AUTS2: variants seen among roughly 807,000 people sequenced by gnomAD.
AUTS2 encodes autism susceptibility gene 2 protein.
A neutral mutation model predicts 112.4 loss-of-function variants in AUTS2; 17 were observed. That is an observed-to-expected ratio of 0.15 (90% CI 0.10 to 0.23). AUTS2 has a LOEUF of 0.23. Ranked by LOEUF, AUTS2 falls within the 10% of genes least tolerant of loss-of-function variation. The pLI is 1.00. For synonymous variants in AUTS2, 751 were observed against 702.7 expected, an observed-to-expected ratio of 1.07 and a Z score of -1.09; for missense variants, 1,510 against 1,701.6, an observed-to-expected ratio of 0.89 and a Z score of 1.98.
At chr7:70,466,233 G>A (rs1797162100) in intron 5 of AUTS2, among the ~76,000 whole-genome samples, 1 of 152,118 alleles carries the variant, frequency 6.6e-6, no homozygotes. Flanking sequence ...AAGCTGATAT[G>A]GAAGAAATTG....
At chr7:70,596,230 G>A (rs1803199920) in intron 5 of AUTS2, 1 of 152,564 alleles carries the variant, frequency 6.6e-6, no homozygotes, top group Non-Finnish European at 1.5e-5. Context: ...GCGAGCCGCG[G>A]GTAGATCGCT....
rs536282144 is a variant in AUTS2, at chr7:69,664,914, G to C, written c.309+64952G>C. ...AAATGATTGTTGTTAAATTCTAGGG[G>C]TTTAATTTAGGATATAGGTACAAAT... On this transcript the variant is annotated intron_variant, in intron 1 of 18. Coordinates refer to ENST00000342771, the MANE Select transcript of AUTS2 (RefSeq NM_015570.4). Among the ~76,000 whole-genome samples the C allele has an allele frequency of 4.6e-5, 7 of 152,288 alleles. No individual in the cohort carries two copies. The East Asian group carries it at 1.3e-3, about 29-fold the overall frequency.
chr7:70,096,985 C>G (rs1438109320), intron 2 of AUTS2, among the ~76,000 whole-genome samples: 1 of 152,170 alleles, frequency 6.6e-6, no homozygotes, highest in African/African-American at 2.4e-5. Context: ...GCTTCTTCTA[C>G]CTGGTGTTAT....
intron 4 of AUTS2, among the ~76,000 whole-genome samples, chr7:70,210,368 G>C (rs1810792064): frequency 6.6e-6 from 1 of 152,232 alleles, no homozygotes; most frequent in Non-Finnish European, 1.5e-5. Context: ...TTATTGCACA[G>C]TTGAAATCAG....
At chr7:70,620,975 G>A (rs535049045) in intron 5 of AUTS2, among the ~76,000 whole-genome samples, 61 of 152,340 alleles carry the variant, frequency 4.0e-4, no homozygotes, top group African/African-American at 1.4e-3. Context: ...AGCACTTCCA[G>A]TTCCTCCAGG....
intron 15 of AUTS2, chr7:70,783,247 T>C (rs2129560226): frequency 6.6e-6 from 1 of 152,320 alleles, no homozygotes; most frequent in East Asian, 1.9e-4. Context: ...TTCTGGAATA[T>C]ATTCACTTGG....
chr7:69,940,202 C>T (rs1248877955), intron 2 of AUTS2, among the ~76,000 whole-genome samples: 2 of 152,172 alleles, frequency 1.3e-5, no homozygotes, highest in African/African-American at 4.8e-5. Context: ...TCAGAGCCTG[C>T]GTTCCTAACT....
At chr7:69,669,323 AC>A (rs751501746) in intron 1 of AUTS2, among the ~76,000 whole-genome samples, 5 of 152,236 alleles carry the variant, frequency 3.3e-5, no homozygotes, top group Middle Eastern at 3.4e-3. Context: ...AAGAATGCAT[AC>A]ATGTATGTAT....
chr7:70,585,221 G>A (rs1444447963), intron 5 of AUTS2, among the ~76,000 whole-genome samples: 1 of 152,160 alleles, frequency 6.6e-6, no homozygotes, highest in African/African-American at 2.4e-5. Flanking sequence ...CCTGCAGGGG[G>A]CAAACTGTCC....
chr7:70,232,207 AT>A (rs1812092914), intron 4 of AUTS2, among the ~76,000 whole-genome samples: 1 of 152,062 alleles, frequency 6.6e-6, no homozygotes, highest in Non-Finnish European at 1.5e-5. Flanking sequence ...GGGATTTTTA[AT>A]TTTTTAATTG....
chr7:70,746,058 C>CTCT (rs960593298), intron 6 of AUTS2, among the ~76,000 whole-genome samples: 14 of 152,196 alleles, frequency 9.2e-5, no homozygotes, highest in Non-Finnish European at 1.6e-4. Flanking sequence ...GCATCGTGTG[C>CTCT]AGAATCGAAG....
At chr7:69,838,033 G>T in intron 1 of AUTS2, among the ~76,000 whole-genome samples, 1 of 152,280 alleles carries the variant, frequency 6.6e-6, no homozygotes, top group East Asian at 1.9e-4. Flanking sequence ...TTCTAGATGG[G>T]ATTGTAGCTG....
rs1370439456 is a variant in AUTS2, at chr7:70,435,855, G to A, written c.690+74G>A. 2.0e-6 allele frequency: 3 copies of A among 1,511,728 alleles called. No homozygotes were observed. The African/African-American group carries it at 4.1e-5, about 21-fold the overall frequency. 93.6% of individuals were successfully genotyped at this position (1,511,728 alleles called of 1,614,324 possible). ...CACCAGAGTCCTCCCACACACAGCT[G>A]CAGGGTAGGATGCCAGCTTCATGTT... On this transcript the variant is annotated intron_variant, in intron 5 of 18. Transcript: ENST00000342771.
In AUTS2 at chr7:70,541,626, A is replaced by C. The variant is rs553298898; in HGVS notation, c.690+105845A>C. ...AAATTCAGCTCAACCACTGTGTGCCAGACATTGTGCTGAACCTGGGGATAC... is the reference window on the plus strand; with the variant it reads ...AAATTCAGCTCAACCACTGTGTGCCCGACATTGTGCTGAACCTGGGGATAC... On this transcript the variant is annotated intron_variant, in intron 5 of 18. Coordinates refer to ENST00000342771, the MANE Select transcript of AUTS2 (RefSeq NM_015570.4). Among the ~76,000 whole-genome samples the C allele has an allele frequency of 1.3e-4, 20 of 152,380 alleles. No homozygotes were observed. The South Asian group carries it at 3.9e-3, about 30-fold the overall frequency.
intron 4 of AUTS2, among the ~76,000 whole-genome samples, chr7:70,419,415 C>T (rs1206112384): frequency 7.2e-6 from 1 of 138,884 alleles, no homozygotes; most frequent in Non-Finnish European, 1.5e-5. Flanking sequence ...AATTGGAAAA[C>T]TAAAACCTAC....
chr7:70,149,634 G>A (rs1807320075), intron 4 of AUTS2, among the ~76,000 whole-genome samples: 1 of 151,924 alleles, frequency 6.6e-6, no homozygotes. Flanking sequence ...TTGACCCAAA[G>A]ATAGTCTTCT....
intron 4 of AUTS2, among the ~76,000 whole-genome samples, chr7:70,420,816 T>C (rs952601877): frequency 1.1e-4 from 17 of 152,338 alleles, no homozygotes; most frequent in African/African-American, 2.9e-4. Context: ...TGGGGAGGGA[T>C]GGACAGGTTC....
rs988223567 is a variant in AUTS2, at chr7:70,088,195, A to C, written c.523-29937A>C. ...CTGGAGTGCAGTGGCGTGATCTCAG[A>C]TCACTGCAAGTTCCACCTCCTGGGT... is the stretch of plus-strand genomic sequence containing the variant. On this transcript the variant is annotated intron_variant, in intron 2 of 18. Coordinates refer to ENST00000342771, the MANE Select transcript of AUTS2 (RefSeq NM_015570.4). 2.0e-5 allele frequency among the ~76,000 whole-genome samples: 3 copies of C among 151,834 alleles called. No individual in the cohort carries two copies. The East Asian group carries it at 5.9e-4, about 30-fold the overall frequency.
At chr7:70,641,518 C>A (rs1456916913) in intron 5 of AUTS2, among the ~76,000 whole-genome samples, 1 of 152,172 alleles carries the variant, frequency 6.6e-6, no homozygotes, top group African/African-American at 2.4e-5. Flanking sequence ...CACCACTGCA[C>A]TCCAGCCTGG....
Sources: allele counts gnomAD v4.1 joint callset (sites outside exome capture counted in the v4.1 genomes callset), GRCh38; gene constraint gnomAD v4.1.1; transcripts MANE v1.5; gene names NCBI Gene and HGNC (gene_info 2026-07-23, HGNC 2026-07-21).